The following DOCK9 variants were observed in gnomAD, a reference collection of about 807,000 sequenced individuals.
DOCK9 encodes dedicator of cytokinesis protein 9.
Under a neutral mutation model 263.3 loss-of-function variants are expected in DOCK9, and 89 were observed. The ratio of observed to expected loss-of-function variants is 0.34; its 90% CI spans 0.28 to 0.40. The LOEUF is 0.40. DOCK9 is among the 10% of genes least tolerant of loss of function. The pLI, the probability that DOCK9 is intolerant of heterozygous loss-of-function variation, is 1.00. For synonymous variants in DOCK9, 976 were observed against 973.1 expected (o/e 1.00, Z -0.06); for missense variants, 2,140 against 2,603.4 (o/e 0.82, Z 3.87).
At chr13:98,972,869 C>G (rs1261862217) in intron 1 of DOCK9, among the ~76,000 whole-genome samples, 1 of 152,168 alleles carries the variant, frequency 6.6e-6, no homozygotes, top group Non-Finnish European at 1.5e-5. Context: ...GCCTTGCTGC[C>G]TGGGGAGAGG....
At chr13:98,795,290 T>C (rs1249623057) in intron 52 of DOCK9, among the ~76,000 whole-genome samples, 1 of 152,184 alleles carries the variant, frequency 6.6e-6, no homozygotes, top group African/African-American at 2.4e-5. Context: ...TTTCTCAGGG[T>C]CTTACGGATT....
intron 2 of DOCK9, among the ~76,000 whole-genome samples, chr13:98,950,601 C>T (rs2057298999): frequency 6.6e-6 from 1 of 152,220 alleles, no homozygotes; most frequent in Admixed American, 6.5e-5. Flanking sequence ...ACGAACCCGG[C>T]CCAACACGCT....
At chr13:98,979,193 T>TAGTAGTAGC (rs1876275883), upstream of DOCK9, among the ~76,000 whole-genome samples, 1 of 123,428 alleles carries the variant, frequency 8.1e-6, no homozygotes, top group Non-Finnish European at 1.7e-5. Flanking sequence ...GTAGTAGTAG[T>TAGTAGTAGC]AGTAGTAGTA....
Position 98,885,707 on chromosome 13 carries a change from C to T in DOCK9, c.2260+1G>A. 6.2e-7 allele frequency: 1 copy of T among 1,609,618 alleles called. No individual in the cohort carries two copies. Among genetic ancestry groups the T allele is most frequent in the Non-Finnish European group, 8.5e-7 (1 of 1,178,728 alleles). On this transcript the variant is annotated splice_donor_variant, in intron 20 of 52. Transcript: ENST00000682017. LOFTEE classifies it high-confidence loss of function. ...TCAAAGGAATGGTAAGCCCCCCCAACCTTGGGTTTCAACGACATCCCTCTT... is the reference window on the plus strand; with the variant it reads ...TCAAAGGAATGGTAAGCCCCCCCAATCTTGGGTTTCAACGACATCCCTCTT...
intron 27 of DOCK9, chr13:98,872,042 G>C (rs972287205): frequency 1.8e-4 from 27 of 152,636 alleles, no homozygotes; most frequent in African/African-American, 6.3e-4. Flanking sequence ...CCCAGGATGG[G>C]CTACTCCCCG....
At chr13:99,028,518 A>G (rs1887010573) in intron 1 of DOCK9, among the ~76,000 whole-genome samples, 1 of 152,152 alleles carries the variant, frequency 6.6e-6, no homozygotes, top group Non-Finnish European at 1.5e-5. Flanking sequence ...CAACTACTGA[A>G]AAGTGGCAGA....
At chr13:98,943,625 G>A (rs149904476) in intron 2 of DOCK9, among the ~76,000 whole-genome samples, 345 of 152,228 alleles carry the variant, frequency 2.3e-3, no homozygotes, top group African/African-American at 7.7e-3. Flanking sequence ...AAAGGCCACT[G>A]GTGCCAAGAT....
chr13:99,079,132 G>A (rs556145588), intron 1 of DOCK9, among the ~76,000 whole-genome samples: 2 of 152,334 alleles, frequency 1.3e-5, no homozygotes, highest in South Asian at 4.1e-4. Context: ...GAATGCGGCC[G>A]TGGAGTTGCA....
chr13:99,072,849 T>G (rs1343820158), intron 1 of DOCK9, among the ~76,000 whole-genome samples: 1 of 151,928 alleles, frequency 6.6e-6, no homozygotes, highest in Non-Finnish European at 1.5e-5. Flanking sequence ...AATACAAAAT[T>G]GAGCCAGGCA....
In DOCK9 at chr13:98,825,209, T is replaced by C. The variant is rs2092475621; in HGVS notation, c.5024-705A>G. On this transcript the variant is annotated intron_variant, in intron 44 of 52. Coordinates refer to ENST00000682017, the MANE Select transcript of DOCK9 (RefSeq NM_001366683.2). The surrounding 1 kb of genome is among the most constrained non-coding windows in gnomAD (Gnocchi z 4.1). Reference sequence around the variant, plus strand: ...AGCAATGACAGCCCATTTGGGACCTTTCCTCGTCTTAGAGTCACTGGAAAA... The same window carrying C: ...AGCAATGACAGCCCATTTGGGACCTCTCCTCGTCTTAGAGTCACTGGAAAA... 6.6e-6 allele frequency among the ~76,000 whole-genome samples: 1 copy of C among 152,204 alleles called. No homozygotes were observed. The highest frequency in any genetic ancestry group is 2.4e-5 in the African/African-American group (1 of 41,448).
intron 1 of DOCK9, among the ~76,000 whole-genome samples, chr13:99,051,706 C>T (rs1194800219): frequency 1.3e-5 from 2 of 152,052 alleles, no homozygotes; most frequent in Non-Finnish European, 2.9e-5. Flanking sequence ...CCACTACACT[C>T]ATCCTTTTCA....
intron 1 of DOCK9, among the ~76,000 whole-genome samples, chr13:99,068,815 G>C (rs2041545762): frequency 6.6e-6 from 1 of 152,124 alleles, no homozygotes; most frequent in Admixed American, 6.5e-5. Context: ...GTTAACCTAA[G>C]AGATTAAATA....
chr13:98,846,535 A>G (rs2093398050), intron 37 of DOCK9: 7 of 1,352,056 alleles, frequency 5.2e-6, no homozygotes, highest in Non-Finnish European at 6.9e-6. Flanking sequence ...CAGGAAGGAG[A>G]AGAGCCACAC....
intron 1 of DOCK9, among the ~76,000 whole-genome samples, chr13:99,036,690 C>T (rs1281982212): frequency 1.3e-5 from 2 of 152,190 alleles, no homozygotes; most frequent in Admixed American, 6.5e-5. Context: ...CAGGCACACA[C>T]CACCATGCCC....
chr13:98,921,274 T>C (rs1214271241), intron 6 of DOCK9, among the ~76,000 whole-genome samples, 186 bp from the exon 7 acceptor site: 1 of 152,216 alleles, frequency 6.6e-6, no homozygotes, highest in Non-Finnish European at 1.5e-5. Flanking sequence ...ATCTCAGTTC[T>C]GAGGAGGTGG....
chr13:98,965,072 G>A (rs1191291562), intron 1 of DOCK9, among the ~76,000 whole-genome samples: 1 of 152,210 alleles, frequency 6.6e-6, no homozygotes, highest in East Asian at 1.9e-4. Flanking sequence ...GTGCCTACAT[G>A]TGCCAAAGCC....
Position 99,051,193 on chromosome 13 carries a change from G to A in DOCK9, c.129+35030C>T, listed in dbSNP as rs138194945. 3.4e-4 allele frequency among the ~76,000 whole-genome samples: 52 copies of A among 152,336 alleles called. 1 individual carries two copies. In the East Asian group the frequency reaches 9.5e-3, roughly 28 times the overall value. The stretch of plus-strand genomic sequence containing the variant: ...AATAGTGGCCTTGAAAGGCTGAAGG[G>A]AAGCCTCTGGCATGTTCTTTGCCTA... On this transcript the variant is annotated intron_variant, in intron 1 of 32. Transcript: ENST00000427887.
chr13:99,009,930 T>A, intron 1 of DOCK9, among the ~76,000 whole-genome samples: 1 of 151,696 alleles, frequency 6.6e-6, no homozygotes, highest in East Asian at 1.9e-4. Context: ...TATGAAGACA[T>A]GTTGAAGACA....
chr13:98,859,202 C>G (rs1439868012), intron 33 of DOCK9: 1 of 152,252 alleles, frequency 6.6e-6, no homozygotes, highest in African/African-American at 2.4e-5. Flanking sequence ...TGGGGCAAAG[C>G]AGGGCAGAGA....
Sources: allele counts gnomAD v4.1 joint callset (sites outside exome capture counted in the v4.1 genomes callset), GRCh38; gene constraint gnomAD v4.1.1; non-coding constraint Gnocchi (gnomAD v3.1); transcripts MANE v1.5; gene names NCBI Gene and HGNC (gene_info 2026-07-23, HGNC 2026-07-21).